PHACTR4: variants seen among roughly 807,000 people sequenced by gnomAD.
PHACTR4 encodes phosphatase and actin regulator 4, also known as protein phosphatase 1, regulatory subunit 124.
Under a neutral mutation model 72.7 loss-of-function variants are expected in PHACTR4, and 51 were observed. The observed-to-expected ratio is 0.70, with a 90% CI of 0.56 to 0.89. PHACTR4 has a LOEUF of 0.89. Among genes scored for constraint, PHACTR4 ranks in the 40% least tolerant of loss-of-function variants. PHACTR4 has a pLI of 0.00. For missense variants in PHACTR4, 731 were observed against 861.8 expected (o/e 0.85, Z 1.90); for synonymous variants, 255 against 302.5 (o/e 0.84, Z 1.63).
rs1013213312 is a variant in PHACTR4 at position 28,407,426 on chromosome 1, C to T, written c.-22C>T. The T allele has an allele frequency of 6.3e-7, 1 of 1,599,868 alleles. No individual in the cohort carries two copies. Among genetic ancestry groups the T allele is most frequent in the Non-Finnish European group, 8.6e-7 (1 of 1,168,542 alleles). On this transcript the variant is annotated 5_prime_UTR_variant, in exon 2 of 14. Transcript: ENST00000373839. ...TCTTTTTAGAAACAGTATCTCACCT[C>T]CCTAAACTGGTTAATAGTGGCATGG...
At chr1:28,374,609 C>T (rs1423065089) in intron 1 of PHACTR4, among the ~76,000 whole-genome samples, 1 of 152,002 alleles carries the variant, frequency 6.6e-6, no homozygotes, top group Non-Finnish European at 1.5e-5. Context: ...ACTTTTTTTC[C>T]TTGTGCTTTT....
Position 28,466,594 on chromosome 1 carries a change from C to T in PHACTR4, c.649C>T (p.Leu217Phe). The T allele has an allele frequency of 1.2e-6, 2 of 1,614,114 alleles. No homozygotes were observed. The highest frequency in any genetic ancestry group is 1.7e-6 in the Non-Finnish European group (2 of 1,180,026). Residue 217 changes from leucine to phenylalanine, a missense_variant, in exon 6 of 14, where the codon CTT (leucine) becomes TTT (phenylalanine). Coordinates refer to ENST00000373839, the MANE Select transcript of PHACTR4 (RefSeq NM_001048183.3). ...CGCTGCCACCACTGCTGCCACAAGC[C>T]TTGCAAAGACTGTTAATCTCTCTGT... ...APAATTAATS[L>F]AKTVNLSVTP...
At chr1:28,402,612 G>A (rs1400642856) in intron 1 of PHACTR4, among the ~76,000 whole-genome samples, 2 of 152,124 alleles carry the variant, frequency 1.3e-5, no homozygotes, top group Non-Finnish European at 2.9e-5. Context: ...AATTTAGGCC[G>A]GGCACCTAAT....
chr1:28,480,716 G>A (rs1660227398), intron 9 of PHACTR4, 112 bp downstream of exon 9: 2 of 1,387,870 alleles, frequency 1.4e-6, no homozygotes, highest in Admixed American at 1.8e-5. Flanking sequence ...TCTGAGACAG[G>A]GTCTTGCTCT....
chr1:28,416,615 G>A (rs1278790397), intron 2 of PHACTR4, among the ~76,000 whole-genome samples: 1 of 152,148 alleles, frequency 6.6e-6, no homozygotes, highest in African/African-American at 2.4e-5. Flanking sequence ...TATCACTTCT[G>A]ACTACGTCTT....
chr1:28,494,929 C>A (rs1323263335), intron 13 of PHACTR4, among the ~76,000 whole-genome samples: 1 of 152,066 alleles, frequency 6.6e-6, no homozygotes, highest in African/African-American at 2.4e-5. Flanking sequence ...AGACTAGCAG[C>A]AAGGAAAACA....
At chr1:28,438,120 C>A (rs955425976) in intron 2 of PHACTR4, 3 of 1,121,682 alleles carry the variant, frequency 2.7e-6, no homozygotes, top group African/African-American at 1.6e-5. Context: ...CACTTCAGCT[C>A]TACACAGTGT....
Position 28,448,659 on chromosome 1 carries a change from G to A in PHACTR4, c.17-10426G>A, listed in dbSNP as rs371483712. 3.5e-3 allele frequency among the ~76,000 whole-genome samples: 511 copies of A among 146,064 alleles called. 8 individuals are homozygous for A. Among genetic ancestry groups the A allele is most frequent in the African/African-American group, 0.012 (466 of 38,244 alleles). On this transcript the variant is annotated intron_variant, in intron 2 of 13. Coordinates refer to ENST00000373839, the MANE Select transcript of PHACTR4 (RefSeq NM_001048183.3). ...CGCCTGTAGTCCCAGCTACTTGGGA[G>A]GCTGAGGCAGGAGAATGGCGTGAAC...
At chr1:28,430,918 C>T (rs1656212003) in intron 2 of PHACTR4, among the ~76,000 whole-genome samples, 1 of 152,122 alleles carries the variant, frequency 6.6e-6, no homozygotes. Flanking sequence ...TGGCTCACTC[C>T]TGTAATCCCA....
chr1:28,417,818 G>A (rs143416938), intron 2 of PHACTR4, among the ~76,000 whole-genome samples: 137 of 152,116 alleles, frequency 9.0e-4, no homozygotes, highest in African/African-American at 3.2e-3. Flanking sequence ...GCAAAATCTT[G>A]ATAACTAAAA....
At chr1:28,467,962 G>C (rs1187288921) in intron 6 of PHACTR4, among the ~76,000 whole-genome samples, 1 of 152,126 alleles carries the variant, frequency 6.6e-6, no homozygotes, top group East Asian at 1.9e-4. Flanking sequence ...AATGATACTA[G>C]GCTTAGTATT....
chr1:28,438,711 A>G (rs1429058305), intron 2 of PHACTR4, among the ~76,000 whole-genome samples: 1 of 152,212 alleles, frequency 6.6e-6, no homozygotes, highest in African/African-American at 2.4e-5. Context: ...TATATTGCTA[A>G]GGAATTATCT....
intron 6 of PHACTR4, among the ~76,000 whole-genome samples, chr1:28,467,832 G>A (rs760989320): frequency 6.6e-6 from 1 of 152,104 alleles, no homozygotes; most frequent in Non-Finnish European, 1.5e-5. Context: ...TTTACCCAAA[G>A]TTCTATTTAA....
rs534777831 is a variant in PHACTR4 at position 28,497,172 on chromosome 1, C to T, written c.*623C>T. Reference sequence around the variant, plus strand: ...CAGGATCTGACATGTTCTTCCTTTTCCTCACAAGTCATCATGATTTTTTAT... The same window carrying T: ...CAGGATCTGACATGTTCTTCCTTTTTCTCACAAGTCATCATGATTTTTTAT... On this transcript the variant is annotated 3_prime_UTR_variant, in exon 14 of 14. Transcript: ENST00000373839. 3 of 152,318 alleles carry T rather than the reference C, an allele frequency of 2.0e-5. No homozygotes were observed. Among genetic ancestry groups the T allele is most frequent in the Non-Finnish European group, 2.9e-5 (2 of 68,062 alleles). 9.4% of individuals were successfully genotyped at this position (152,318 alleles called of 1,614,324 possible).
intron 1 of PHACTR4, among the ~76,000 whole-genome samples, chr1:28,377,985 C>G (rs1651817008): frequency 6.7e-6 from 1 of 149,436 alleles, no homozygotes; most frequent in Non-Finnish European, 1.5e-5. Flanking sequence ...ATCACGAGGT[C>G]AGGAGATTGA....
At chr1:28,489,352 C>A in intron 10 of PHACTR4, 127 bp downstream of exon 10, 1 of 705,188 alleles carries the variant, frequency 1.4e-6, no homozygotes, top group Non-Finnish European at 2.3e-6. Flanking sequence ...CAGGCAAGGA[C>A]TATTTATTTC....
At chr1:28,444,782 AT>A (rs577693546) in intron 2 of PHACTR4, among the ~76,000 whole-genome samples, 16,848 of 116,622 alleles carry the variant, frequency 0.14, 1,163 homozygotes, top group Non-Finnish European at 0.17. Context: ...CACCCAGCTA[AT>A]TTTTTTTTTT....
chr1:28,460,504 C>T (rs751026667), intron 4 of PHACTR4, among the ~76,000 whole-genome samples: 3 of 151,792 alleles, frequency 2.0e-5, no homozygotes, highest in Non-Finnish European at 4.4e-5. Context: ...TACAATATTG[C>T]GTGTCTTTTT....
At chr1:28,468,173 A>T (rs536855772) in intron 6 of PHACTR4, among the ~76,000 whole-genome samples, 1 of 152,298 alleles carries the variant, frequency 6.6e-6, no homozygotes, top group South Asian at 2.1e-4. Context: ...TGTCATGTTG[A>T]CTTATCTGTG....
Sources: allele counts gnomAD v4.1 joint callset (sites outside exome capture counted in the v4.1 genomes callset), GRCh38; gene constraint gnomAD v4.1.1; transcripts MANE v1.5; gene names NCBI Gene and HGNC (gene_info 2026-07-23, HGNC 2026-07-21).